Variants in ATXN1 observed in about 807,000 individuals in gnomAD.
The protein encoded by ATXN1 is ataxin 1.
In ATXN1, 8 loss-of-function variants were observed where a neutral mutation model predicts 56.4. The ratio of observed to expected loss-of-function variants is 0.14; its 90% CI spans 0.08 to 0.26. The LOEUF (loss-of-function observed/expected upper bound fraction) is 0.26. ATXN1 is among the 10% of genes least tolerant of loss of function. The pLI is 1.00. For missense variants in ATXN1, 987 were observed against 1,106.5 expected, an observed-to-expected ratio of 0.89 and a Z score of 1.53; for synonymous variants, 514 against 494.6, an observed-to-expected ratio of 1.04 and a Z score of -0.52.
chr6:16,359,509 C>G (rs1199615234), intron 6 of ATXN1, among the ~76,000 whole-genome samples: 1 of 151,984 alleles, frequency 6.6e-6, no homozygotes, highest in African/African-American at 2.4e-5. Flanking sequence ...GCAGAGATGA[C>G]CTGCTGGCAG....
chr6:16,527,634 A>T (rs367825211), intron 4 of ATXN1, among the ~76,000 whole-genome samples: 53 of 152,220 alleles, frequency 3.5e-4, no homozygotes, highest in African/African-American at 1.2e-3. Flanking sequence ...GGGGAGTGGT[A>T]ATTTGTGGTG....
At chr6:16,599,705 G>A (rs2005992) in intron 3 of ATXN1, among the ~76,000 whole-genome samples, 92,124 of 146,776 alleles carry the variant, frequency 0.63, 29,685 homozygotes, top group Admixed American at 0.74. Context: ...GTGAAACTCC[G>A]TCTCAAAAAA....
intron 3 of ATXN1, among the ~76,000 whole-genome samples, chr6:16,596,398 T>C (rs1052043710): frequency 7.2e-5 from 11 of 152,206 alleles, no homozygotes; most frequent in African/African-American, 2.4e-4. Flanking sequence ...TAGGGAAATA[T>C]GTATTTGGAA....
chr6:16,423,392 T>C lies in ATXN1; in HGVS notation c.-161+62580A>G, dbSNP rs533375650. On this transcript the variant is annotated intron_variant, in intron 6 of 7. Coordinates refer to ENST00000436367, the MANE Select transcript of ATXN1 (RefSeq NM_001128164.2). Reference sequence around the variant, plus strand: ...AACCAACCAAGCCCCCTGAACTGGGTCCTTGTGATGTTCCAGGGGTTTAAT... The same window carrying C: ...AACCAACCAAGCCCCCTGAACTGGGCCCTTGTGATGTTCCAGGGGTTTAAT... 2.0e-4 allele frequency among the ~76,000 whole-genome samples: 30 copies of C among 152,300 alleles called. No individual in the cohort carries two copies. The South Asian group carries it at 6.2e-3, about 32-fold the overall frequency.
chr6:16,510,290 AC>A (rs1453144978), intron 5 of ATXN1, among the ~76,000 whole-genome samples: 1 of 152,282 alleles, frequency 6.6e-6, no homozygotes, highest in East Asian at 1.9e-4. Flanking sequence ...CTGCATTTTA[AC>A]AATATTCCCA....
chr6:16,482,941 G>A (rs1760469743), intron 6 of ATXN1, among the ~76,000 whole-genome samples: 1 of 152,170 alleles, frequency 6.6e-6, no homozygotes, highest in South Asian at 2.1e-4. Context: ...TATGCAACTT[G>A]AGACACTTAG....
chr6:16,315,195 T>G (rs764200047), intron 7 of ATXN1, among the ~76,000 whole-genome samples: 5 of 152,178 alleles, frequency 3.3e-5, no homozygotes, highest in African/African-American at 4.8e-5. Flanking sequence ...GATGTGCCCC[T>G]GCCCGGTGGC....
Position 16,327,549 on chromosome 6 carries a change from C to A in ATXN1, c.762G>T (p.Pro254=). The change falls in exon 7 of 8, where the codon CCG becomes CCT. Residue 254 remains proline, a synonymous_variant. Transcript: ENST00000436367. ...QNQYVHISSS[P]QNTGRTASPP... is the part of the protein sequence containing the mutation. ...GAGAGGCGGTGCGGCCGGTGTTCTGCGGAGAACTGGAAATGTGGACGTACT... is the reference window on the plus strand; with the variant it reads ...GAGAGGCGGTGCGGCCGGTGTTCTGAGGAGAACTGGAAATGTGGACGTACT... The A allele has an allele frequency of 1.2e-6, 2 of 1,607,574 alleles. No individual in the cohort carries two copies. Among genetic ancestry groups the A allele is most frequent in the Non-Finnish European group, 8.5e-7 (1 of 1,177,494 alleles).
At chr6:16,324,266 G>T (rs974091833) in intron 7 of ATXN1, among the ~76,000 whole-genome samples, 2 of 152,094 alleles carry the variant, frequency 1.3e-5, no homozygotes, top group African/African-American at 4.8e-5. Context: ...AACACAGCAA[G>T]ACCCCATCTC....
In ATXN1 at chr6:16,299,976, G is replaced by C. The variant is rs1481500623; in HGVS notation, c.*6353C>G. 4 of 152,658 alleles carry C rather than the reference G, an allele frequency of 2.6e-5. No individual in the cohort carries two copies. The highest frequency in any genetic ancestry group is 2.6e-4 in the Admixed American group (4 of 15,284). 9.5% of individuals were successfully genotyped at this position (152,658 alleles called of 1,614,324 possible). A position where few individuals can be genotyped will look rare whatever the true frequency, so the allele number is the denominator to read the frequency against. On this transcript the variant is annotated 3_prime_UTR_variant, in exon 8 of 8. Transcript: ENST00000436367. ...AAGAACCAGAGAAAACCTGTGCACC[G>C]AGCTTCTTGGTAACTGCTCTGAAGA...
chr6:16,449,730 G>A (rs1759714809), intron 6 of ATXN1, among the ~76,000 whole-genome samples: 1 of 152,072 alleles, frequency 6.6e-6, no homozygotes, highest in African/African-American at 2.4e-5. Context: ...AAGTGGATAA[G>A]TTTAAAGGAA....
chr6:16,648,593 A>C (rs1763842019), intron 3 of ATXN1, among the ~76,000 whole-genome samples: 1 of 152,212 alleles, frequency 6.6e-6, no homozygotes, highest in Non-Finnish European at 1.5e-5. Context: ...GATCTTGTAA[A>C]CAGCTGAAGG....
intron 2 of ATXN1, among the ~76,000 whole-genome samples, chr6:16,714,329 G>A (rs1382152146): frequency 1.3e-4 from 20 of 151,708 alleles, no homozygotes; most frequent in African/African-American, 2.7e-4. Context: ...CAGAGCATCC[G>A]CTGACTGAAA....
At chr6:16,361,189 T>C (rs11758500) in intron 6 of ATXN1, among the ~76,000 whole-genome samples, 1,885 of 152,270 alleles carry the variant, frequency 0.012, 17 homozygotes, top group Non-Finnish European at 0.022. Flanking sequence ...TGGCTCTATA[T>C]ATAGAGACAT....
At chr6:16,433,873 C>G (rs543838735) in intron 6 of ATXN1, among the ~76,000 whole-genome samples, 1 of 152,228 alleles carries the variant, frequency 6.6e-6, no homozygotes, top group Non-Finnish European at 1.5e-5. Context: ...GCCGCTACCT[C>G]CTCACCTGCC....
chr6:16,344,967 C>T (rs537361228), intron 6 of ATXN1, among the ~76,000 whole-genome samples: 11 of 152,272 alleles, frequency 7.2e-5, no homozygotes, highest in Admixed American at 2.6e-4. Context: ...CCGTAAACTC[C>T]GATGCTGCTT....
intron 6 of ATXN1, among the ~76,000 whole-genome samples, chr6:16,393,920 T>C (rs1758404264): frequency 6.6e-6 from 1 of 151,662 alleles, no homozygotes; most frequent in Non-Finnish European, 1.5e-5. Flanking sequence ...TTTTTTTTTT[T>C]GTAATTCGTG....
chr6:16,714,946 G>A (rs1225624982), intron 2 of ATXN1, among the ~76,000 whole-genome samples: 1 of 152,104 alleles, frequency 6.6e-6, no homozygotes, highest in Non-Finnish European at 1.5e-5. Context: ...CTTGTCTGTT[G>A]CTTTGGGCAT....
At chr6:16,344,229 G>A (rs1321790759) in intron 6 of ATXN1, among the ~76,000 whole-genome samples, 1 of 152,136 alleles carries the variant, frequency 6.6e-6, no homozygotes, top group Non-Finnish European at 1.5e-5. Flanking sequence ...CCGTTTCCTC[G>A]ACTATCCTCC....
Sources: gnomAD v4.1 joint callset for allele counts (sites outside exome capture counted in the v4.1 genomes callset) on GRCh38, gnomAD v4.1.1 for gene constraint, MANE v1.5 for transcripts, NCBI Gene and HGNC (gene_info 2026-07-23, HGNC 2026-07-21) for gene names.